MYO1B: variants seen among roughly 807,000 people sequenced by gnomAD.
The protein encoded by MYO1B is myosin IB, also known as unconventional myosin-Ib.
A neutral mutation model predicts 159.7 loss-of-function variants in MYO1B; 72 were observed. That is an observed-to-expected ratio of 0.45 (90% CI 0.37 to 0.55). The LOEUF (loss-of-function observed/expected upper bound fraction) is 0.55, where lower values mean the gene tolerates loss of function less well. MYO1B is among the 20% of genes least tolerant of loss of function. MYO1B has a pLI of 0.00. For missense variants in MYO1B, 1,062 were observed against 1,364.8 expected, an observed-to-expected ratio of 0.78 and a Z score of 3.50; for synonymous variants, 468 against 473.8, an observed-to-expected ratio of 0.99 and a Z score of 0.16.
intron 3 of MYO1B, among the ~76,000 whole-genome samples, chr2:191,318,895 C>G (rs897504258): frequency 4.6e-5 from 7 of 152,166 alleles, no homozygotes; most frequent in African/African-American, 1.7e-4. Context: ...AAATCTTCCT[C>G]TAGCAGTCAC....
intron 7 of MYO1B, among the ~76,000 whole-genome samples, chr2:191,354,250 C>T (rs983659004): frequency 3.0e-5 from 4 of 134,546 alleles, no homozygotes; most frequent in South Asian, 2.6e-4. Context: ...AGCAAGACTC[C>T]GTCTTAAATA....
chr2:191,402,424 T>A, intron 23 of MYO1B: 1 of 566,116 alleles, frequency 1.8e-6, no homozygotes, highest in East Asian at 3.0e-5. Context: ...TGTCCTTCTC[T>A]GGAACAGAAT....
intron 30 of MYO1B, among the ~76,000 whole-genome samples, chr2:191,423,051 T>C (rs1698041321): frequency 6.6e-6 from 1 of 152,216 alleles, no homozygotes; most frequent in Admixed American, 6.5e-5. Flanking sequence ...TGAGTCTCCC[T>C]TATTCGAAAT....
chr2:191,292,212 CA>C (rs1688727072), intron 2 of MYO1B, among the ~76,000 whole-genome samples: 1 of 152,132 alleles, frequency 6.6e-6, no homozygotes, highest in Admixed American at 6.5e-5. Context: ...TGCTTGGCAC[CA>C]TTTTTAGTTT....
chr2:191,424,099 A>C lies in MYO1B; in HGVS notation c.*139A>C. On this transcript the variant is annotated 3_prime_UTR_variant, in exon 31 of 31. Transcript: ENST00000392318. Reference sequence around the variant, plus strand: ...TTTGGCAAAATAAAAATATTTGACTAATCAATTTTTATTATTGGAATAGTT... The same window carrying C: ...TTTGGCAAAATAAAAATATTTGACTCATCAATTTTTATTATTGGAATAGTT... 1 of 992,576 alleles carries C rather than the reference A, an allele frequency of 1.0e-6. No homozygotes were observed. The highest frequency in any genetic ancestry group is 1.5e-6 in the Non-Finnish European group (1 of 669,092). The allele number at this position is 992,576 out of a possible 1,614,324, so 61.5% of individuals were successfully genotyped here.
At chr2:191,350,263 A>C in intron 7 of MYO1B, 38 bp downstream of exon 7, 1 of 1,454,432 alleles carries the variant, frequency 6.9e-7, no homozygotes, top group Non-Finnish European at 9.6e-7. Context: ...AGAAGTTCAG[A>C]ATACTAAAAC....
intron 3 of MYO1B, among the ~76,000 whole-genome samples, chr2:191,302,021 T>TCC (rs1559152416): frequency 1.1e-4 from 17 of 151,976 alleles, no homozygotes; most frequent in Admixed American, 9.8e-4. Context: ...CCCACTACTC[T>TCC]CCTTTGTGGA....
intron 3 of MYO1B, among the ~76,000 whole-genome samples, chr2:191,316,793 G>C (rs1232053142): frequency 6.6e-6 from 1 of 152,168 alleles, no homozygotes; most frequent in African/African-American, 2.4e-5. Flanking sequence ...GATTGGATGT[G>C]ACAGCATGTC....
chr2:191,409,741 C>T (rs1697148542), intron 26 of MYO1B, among the ~76,000 whole-genome samples: 1 of 152,174 alleles, frequency 6.6e-6, no homozygotes, highest in South Asian at 2.1e-4. Context: ...TTTTAGCTCT[C>T]TTATTTTGTA....
At chr2:191,384,351 C>G (rs1357262070) in intron 15 of MYO1B, among the ~76,000 whole-genome samples, 2 of 152,188 alleles carry the variant, frequency 1.3e-5, no homozygotes, top group African/African-American at 4.8e-5. Flanking sequence ...GGAATACAGT[C>G]ACATGCTCTG....
At chr2:191,284,675 C>T (rs1256666865) in intron 2 of MYO1B, among the ~76,000 whole-genome samples, 2 of 152,132 alleles carry the variant, frequency 1.3e-5, no homozygotes, top group Non-Finnish European at 2.9e-5. Flanking sequence ...CTCTGTCCCC[C>T]AGGCTGGAGT....
At chr2:191,305,544 A>G (rs1689599131) in intron 3 of MYO1B, among the ~76,000 whole-genome samples, 8 of 152,214 alleles carry the variant, frequency 5.3e-5, no homozygotes, top group Admixed American at 3.3e-4. Flanking sequence ...CATCTGATAA[A>G]CATGATTAAG....
chr2:191,377,713 G>C (rs1429371316), intron 13 of MYO1B: 1 of 152,140 alleles, frequency 6.6e-6, no homozygotes, highest in Non-Finnish European at 1.5e-5. Context: ...CTGCTGCCAG[G>C]CTATTCCTTA....
chr2:191,404,893 G>A (rs539423553), intron 24 of MYO1B, among the ~76,000 whole-genome samples: 1 of 152,334 alleles, frequency 6.6e-6, no homozygotes, highest in Admixed American at 6.5e-5. Context: ...ACTGATGAGG[G>A]TGGTGGCTGC....
At chr2:191,363,105 C>T (rs562917467) in intron 9 of MYO1B, among the ~76,000 whole-genome samples, 2 of 152,256 alleles carry the variant, frequency 1.3e-5, no homozygotes, top group African/African-American at 4.8e-5. Flanking sequence ...GCCAGCTGTT[C>T]TCAAAAAGAA....
intron 3 of MYO1B, among the ~76,000 whole-genome samples, chr2:191,297,492 A>G (rs1689054586): frequency 6.6e-6 from 1 of 152,202 alleles, no homozygotes; most frequent in Non-Finnish European, 1.5e-5. Flanking sequence ...GTTGTTCGTT[A>G]TTACCACCAT....
rs542223126 is a variant in MYO1B, at chr2:191,386,983, T to G, written c.1555-241T>G. Among the ~76,000 whole-genome samples the G allele has an allele frequency of 6.4e-4, 98 of 152,264 alleles. 2 individuals are homozygous for G. In the South Asian group the frequency reaches 0.02, roughly 32 times the overall value. ...TTTGAAAATGTTATGATAACATTTTTGGAGTTTATTCTTGCAAATCCTGAA... is the reference window on the plus strand; with the variant it reads ...TTTGAAAATGTTATGATAACATTTTGGGAGTTTATTCTTGCAAATCCTGAA... On this transcript the variant is annotated intron_variant, in intron 16 of 30. Coordinates refer to ENST00000392318, the MANE Select transcript of MYO1B (RefSeq NM_001130158.3).
At chr2:191,266,242 G>A (rs11688994) in intron 1 of MYO1B, among the ~76,000 whole-genome samples, 80,482 of 152,072 alleles carry the variant, frequency 0.53, 22,027 homozygotes, top group East Asian at 0.65. Context: ...AAGCTCTTCA[G>A]GGTGAGAAGA....
At position 191,393,241 on chromosome 2, in the gene MYO1B, T is replaced by C; in HGVS notation, c.2226+19T>C. 6.2e-7 allele frequency: 1 copy of C among 1,612,566 alleles called. No individual in the cohort carries two copies. The highest frequency in any genetic ancestry group is 8.5e-7 in the Non-Finnish European group (1 of 1,178,916). The stretch of plus-strand genomic sequence containing the variant: ...ATATGCGGTAAGAGTCTCAGTCATT[T>C]TAAATCAGTAATAACAATGCTAATT... On this transcript the variant is annotated intron_variant, in intron 20 of 30. Transcript: ENST00000392318.
Sources: gnomAD v4.1 joint callset for allele counts (sites outside exome capture counted in the v4.1 genomes callset) on GRCh38, gnomAD v4.1.1 for gene constraint, MANE v1.5 for transcripts, NCBI Gene and HGNC (gene_info 2026-07-23, HGNC 2026-07-21) for gene names.